The following SMYD3 variants were observed in gnomAD, a reference collection of about 807,000 sequenced individuals.
The protein encoded by SMYD3 is histone-lysine N-methyltransferase SMYD3.
In SMYD3, 36 loss-of-function variants were observed where a neutral mutation model predicts 57.7. The observed-to-expected ratio is 0.62, with a 90% confidence interval of 0.48 to 0.82. The LOEUF is 0.82. SMYD3 is among the 40% of genes least tolerant of loss of function. The probability of loss-of-function intolerance (pLI) is 0.00; values close to 1 mark genes in which losing one functional copy is unlikely to be tolerated. For synonymous variants in SMYD3, 211 were observed against 195.0 expected (o/e 1.08, Z -0.68); for missense variants, 515 against 538.8 (o/e 0.96, Z 0.44).
intron 10 of SMYD3, among the ~76,000 whole-genome samples, chr1:245,807,815 A>G (rs186779555): frequency 1.5e-4 from 23 of 149,474 alleles, no homozygotes; most frequent in African/African-American, 5.1e-4. Flanking sequence ...TTCCCAGGGA[A>G]AAAAAAAAAA....
chr1:246,209,920 G>A (rs2063061162), intron 5 of SMYD3, among the ~76,000 whole-genome samples: 1 of 152,194 alleles, frequency 6.6e-6, no homozygotes, highest in Non-Finnish European at 1.5e-5. Context: ...ACTACAGTTA[G>A]TAGCCTCCCC....
In SMYD3 at chr1:246,202,013, T is replaced by TA. The variant is rs11433640; in HGVS notation, c.531+125187dup. Among the ~76,000 whole-genome samples the TA allele has an allele frequency of 0.054, 7,256 of 134,680 alleles. 547 individuals are homozygous for TA. The highest frequency in any genetic ancestry group is 0.18 in the African/African-American group (6,611 of 37,118). The allele number at this position is 134,680 out of a possible 152,430, so 88.4% of individuals were successfully genotyped here. On this transcript the variant is annotated intron_variant, in intron 5 of 11. Coordinates refer to ENST00000490107, the MANE Select transcript of SMYD3 (RefSeq NM_001167740.2). The surrounding 1 kb of genome is among the most constrained non-coding windows in gnomAD (Gnocchi z 4.1). ...GGGCAACAGAGACTCTGTCTCAATTTAAAAAAAAAAAACAAAAAAAAGCCA... is the reference window on the plus strand; with the variant it reads ...GGGCAACAGAGACTCTGTCTCAATTTAAAAAAAAAAAAACAAAAAAAAGCCA...
At chr1:246,338,269 C>G (rs1419638605) in intron 2 of SMYD3, among the ~76,000 whole-genome samples, 1 of 152,184 alleles carries the variant, frequency 6.6e-6, no homozygotes, top group Non-Finnish European at 1.5e-5. Context: ...CGAATACAAG[C>G]ATACCATAGA....
chr1:246,373,509 T>C (rs1488673386), intron 1 of SMYD3, among the ~76,000 whole-genome samples: 1 of 152,202 alleles, frequency 6.6e-6, no homozygotes, highest in South Asian at 2.1e-4. Flanking sequence ...TTCTTAGTTT[T>C]TGATAACATG....
chr1:246,215,415 T>C (rs2063149850), intron 5 of SMYD3, among the ~76,000 whole-genome samples: 1 of 152,114 alleles, frequency 6.6e-6, no homozygotes, highest in Non-Finnish European at 1.5e-5. Flanking sequence ...AGCACACCCA[T>C]ATTTCTTACT....
At chr1:246,160,798 TG>T (rs1358787398) in intron 5 of SMYD3, among the ~76,000 whole-genome samples, 2 of 152,180 alleles carry the variant, frequency 1.3e-5, no homozygotes, top group Non-Finnish European at 2.9e-5. Context: ...GTGACTCCTG[TG>T]GGTAAGCATT....
intron 10 of SMYD3, among the ~76,000 whole-genome samples, chr1:245,810,072 C>T (rs1355514772): frequency 6.6e-6 from 1 of 152,192 alleles, no homozygotes; most frequent in Non-Finnish European, 1.5e-5. Context: ...AAACCAATTT[C>T]ACCAAGTTTA....
chr1:245,847,509 A>C (rs1572501700), intron 10 of SMYD3, among the ~76,000 whole-genome samples: 2 of 152,334 alleles, frequency 1.3e-5, no homozygotes, highest in Admixed American at 1.3e-4. Flanking sequence ...TGAGTCATTC[A>C]AAGTTTTATC....
intron 5 of SMYD3, among the ~76,000 whole-genome samples, chr1:245,963,454 G>A (rs183890132): frequency 5.9e-5 from 9 of 152,140 alleles, no homozygotes; most frequent in Middle Eastern, 6.8e-3. Context: ...ACTGCTGGGG[G>A]TCTAGAATGA....
intron 10 of SMYD3, among the ~76,000 whole-genome samples, chr1:245,798,382 ACACACGCG>A: frequency 7.4e-6 from 1 of 136,040 alleles, no homozygotes; most frequent in Non-Finnish European, 1.6e-5. Context: ...CTGTCAACAC[ACACACGCG>A]CACACACACA....
intron 10 of SMYD3, among the ~76,000 whole-genome samples, chr1:245,811,653 C>G (rs2048479065): frequency 6.6e-6 from 1 of 152,134 alleles, no homozygotes; most frequent in African/African-American, 2.4e-5. Flanking sequence ...ATAAAAATTT[C>G]ATATTTGGAA....
At chr1:245,860,156 C>T (rs2051459587) in intron 9 of SMYD3, among the ~76,000 whole-genome samples, 1 of 146,414 alleles carries the variant, frequency 6.8e-6, no homozygotes, top group Non-Finnish European at 1.5e-5. Flanking sequence ...TCAGTGCCCC[C>T]TTCGTGCCCC....
chr1:246,447,774 A>G (rs2067570485), intron 1 of SMYD3, among the ~76,000 whole-genome samples: 1 of 152,212 alleles, frequency 6.6e-6, no homozygotes, highest in Non-Finnish European at 1.5e-5. Flanking sequence ...ATTAATTGCC[A>G]TGTAATCATC....
At chr1:246,242,456 C>T (rs1260320041) in intron 5 of SMYD3, among the ~76,000 whole-genome samples, 5 of 152,116 alleles carry the variant, frequency 3.3e-5, no homozygotes, top group African/African-American at 1.2e-4. Flanking sequence ...GTCTGAGAGA[C>T]AGTTTGTTAT....
At chr1:246,135,530 G>T (rs1036305133) in intron 5 of SMYD3, among the ~76,000 whole-genome samples, 2 of 151,966 alleles carry the variant, frequency 1.3e-5, no homozygotes, top group Non-Finnish European at 2.9e-5. Context: ...AAATATAGAA[G>T]TCATTAGGCA....
chr1:246,220,941 G>T (rs2063244671), intron 5 of SMYD3, among the ~76,000 whole-genome samples: 1 of 151,988 alleles, frequency 6.6e-6, no homozygotes, highest in African/African-American at 2.4e-5. Flanking sequence ...ACTACCAGCT[G>T]CAGAGGGGAG....
chr1:246,478,411 C>T (rs1161964809), intron 1 of SMYD3, among the ~76,000 whole-genome samples: 1 of 150,510 alleles, frequency 6.6e-6, no homozygotes, highest in Non-Finnish European at 1.5e-5. Flanking sequence ...CACACCTGTC[C>T]TCTGTCCTGG....
At chr1:245,765,811 C>T (rs923651382) in intron 10 of SMYD3, among the ~76,000 whole-genome samples, 5 of 152,132 alleles carry the variant, frequency 3.3e-5, no homozygotes, top group Non-Finnish European at 5.9e-5. Flanking sequence ...CCATCACTCA[C>T]GCAGGGCCTG....
chr1:246,438,512 A>G (rs544161993), intron 1 of SMYD3, among the ~76,000 whole-genome samples: 2 of 152,114 alleles, frequency 1.3e-5, no homozygotes, highest in South Asian at 4.2e-4. Flanking sequence ...CCAGGGATTG[A>G]TTCCAGGACA....
Sources: allele counts gnomAD v4.1 joint callset (sites outside exome capture counted in the v4.1 genomes callset), GRCh38; gene constraint gnomAD v4.1.1; non-coding constraint Gnocchi (gnomAD v3.1); transcripts MANE v1.5; gene names NCBI Gene and HGNC (gene_info 2026-07-23, HGNC 2026-07-21).